Variants in RNF31 observed in about 807,000 individuals in gnomAD.
RNF31 encodes ring finger protein 31.
Under a neutral mutation model 133.6 loss-of-function variants are expected in RNF31, and 38 were observed. That is an observed-to-expected ratio of 0.28 (90% confidence interval 0.22 to 0.37). The LOEUF (loss-of-function observed/expected upper bound fraction) is 0.37, where lower values mean the gene tolerates loss of function less well. Among genes scored for constraint, RNF31 ranks in the 10% least tolerant of loss-of-function variants. RNF31 has a pLI of 1.00. For synonymous variants in RNF31, 582 were observed against 552.3 expected, an observed-to-expected ratio of 1.05 and a Z score of -0.75; for missense variants, 1,118 against 1,394.1, an observed-to-expected ratio of 0.80 and a Z score of 3.15.
intron 6 of RNF31, 54 bp downstream of exon 6, chr14:24,149,637 T>G: frequency 6.5e-7 from 1 of 1,541,966 alleles, no homozygotes. Context: ...TTAAGATCAC[T>G]TGATTATGGA....
In RNF31 at chr14:24,151,187, G is replaced by C; in HGVS notation, c.1545G>C (p.Ser515=). 2 of 1,614,136 alleles carry C rather than the reference G, an allele frequency of 1.2e-6. No homozygotes were observed. Among genetic ancestry groups the C allele is most frequent in the South Asian group, 1.1e-5 (1 of 91,078 alleles). The part of the protein sequence containing the change: ...PEEIFSALQY[S]GTEVPLQWLR... ...AGATCTTCTCGGCTCTGCAGTACTC[G>C]GGCACTGAGGTGCCTCTGCAGTGGT... The change falls in exon 9 of 21, where the codon TCG becomes TCC. Residue 515 remains serine, a synonymous_variant. Coordinates refer to ENST00000324103, the MANE Select transcript of RNF31 (RefSeq NM_017999.5). This position sits in a 1 kb window ranked among gnomAD's most constrained non-coding sequence, Gnocchi z 5.3.
At position 24,150,601 on chromosome 14, in the gene RNF31, G is replaced by A. The variant is rs372245499; in HGVS notation, c.1201G>A (p.Gly401Arg). 1 of 1,606,596 alleles carries A rather than the reference G, an allele frequency of 6.2e-7. No individual in the cohort carries two copies. Among genetic ancestry groups the A allele is most frequent in the East Asian group, 2.2e-5 (1 of 44,640 alleles). The change falls in exon 8 of 21, where the codon GGG (glycine) becomes AGG (arginine). Residue 401 changes from glycine to arginine, a missense_variant. Coordinates refer to ENST00000324103, the MANE Select transcript of RNF31 (RefSeq NM_017999.5). ...ATAATTCTCTCTGCCTTCCCAGCAGGGGGATGCTTTGCTGGCCTCTGCCCA... is the reference window on the plus strand; with the variant it reads ...ATAATTCTCTCTGCCTTCCCAGCAGAGGGATGCTTTGCTGGCCTCTGCCCA... ...AGICLQPLQQ[G>R]DALLASAQSQ...
In RNF31 at chr14:24,157,987, T is replaced by C; in HGVS notation, c.2817T>C (p.Ala939=). Residue 939 remains alanine, a synonymous_variant, in exon 17 of 21, where the codon GCT becomes GCC. Coordinates refer to ENST00000324103, the MANE Select transcript of RNF31 (RefSeq NM_017999.5). ...TCTTCTACCTGCGGGACTGGACTGC[T>C]CTCCGGCTTCAGAAGCTGCTACAGG... is the stretch of plus-strand genomic sequence containing the variant. ...DCLFYLRDWT[A]LRLQKLLQDN... 7 of 1,614,086 alleles carry C rather than the reference T, an allele frequency of 4.3e-6. No homozygotes were observed. Among genetic ancestry groups the C allele is most frequent in the Non-Finnish European group, 5.9e-6 (7 of 1,180,020 alleles).
In RNF31 at chr14:24,160,220, T is replaced by A. The variant is rs1307820506; in HGVS notation, c.2997-19T>A. 1.9e-6 allele frequency: 3 copies of A among 1,603,596 alleles called. No individual in the cohort carries two copies. The African/African-American group carries it at 4.0e-5, about 21-fold the overall frequency. On this transcript the variant is annotated intron_variant, in intron 19 of 20. Transcript: ENST00000324103. This position sits in a 1 kb window ranked among gnomAD's most constrained non-coding sequence, Gnocchi z 4.0. ...ATATTAGCCAACACAACAAATATTCTGCTCCCTTTTCTCCCCAGGGCACAC... is the reference window on the plus strand; with the variant it reads ...ATATTAGCCAACACAACAAATATTCAGCTCCCTTTTCTCCCCAGGGCACAC...
In RNF31 at chr14:24,151,638, C is replaced by T. The variant is rs545547900; in HGVS notation, c.1891C>T (p.Pro631Ser). ...RQRLWDSGPE[P>S]TPSWDGPDKQ... ...GCGCCTCTGGGACAGTGGCCCTGAG[C>T]CCACCCCTTCCTGGGATGGGCCAGA... is the stretch of plus-strand genomic sequence containing the variant. The change falls in exon 10 of 21, where the codon CCC (proline) becomes TCC (serine). Residue 631 changes from proline to serine, a missense_variant. By Grantham distance (74) the Pro-to-Ser change is moderately conservative (BLOSUM62 -1). Around this residue, in one of 3 missense-constraint regions of RNF31, gnomAD observed 747 missense variants for 827.9 expected, o/e 0.90. Transcript: ENST00000324103. This position sits in a 1 kb window ranked among gnomAD's most constrained non-coding sequence, Gnocchi z 5.3. 6.2e-7 allele frequency: 1 copy of T among 1,612,360 alleles called. No homozygotes were observed. Among genetic ancestry groups the T allele is most frequent in the South Asian group, 1.1e-5 (1 of 91,078 alleles).
intron 11 of RNF31, among the ~76,000 whole-genome samples, chr14:24,153,104 G>T (rs374904753): frequency 5.9e-5 from 9 of 151,504 alleles, no homozygotes; most frequent in Admixed American, 4.6e-4. Context: ...AAGAATTACT[G>T]TTCATTTTTG....
Position 24,151,878 on chromosome 14 carries a change from C to T in RNF31, c.2016C>T (p.Asn672=), listed in dbSNP as rs1269512949. 1 of 1,614,200 alleles carries T rather than the reference C, an allele frequency of 6.2e-7. No individual in the cohort carries two copies. Among genetic ancestry groups the T allele is most frequent in the East Asian group, 2.2e-5 (1 of 44,874 alleles). ...CACTGCTGCAGGAGACACCCAGGAA[C>T]TATGAGTTGGGGGATGTGGTAGAAG... The part of the protein sequence containing the change: ...ALSLLQETPR[N]YELGDVVEAV... The change falls in exon 11 of 21, where the codon AAC becomes AAT. Residue 672 remains asparagine (N), a synonymous_variant. Transcript: ENST00000324103. The surrounding 1 kb of genome is among the most constrained non-coding windows in gnomAD (Gnocchi z 5.3).
rs549763520 is a variant in RNF31 at position 24,150,194 on chromosome 14, C to A, written c.943C>A (p.Pro315Thr). ...TGCTGCCTGTGCCATGCTAAATGAGCCTTGGGCAGTGCTCTGTGTGGCCTG... is the reference window on the plus strand; with the variant it reads ...TGCTGCCTGTGCCATGCTAAATGAGACTTGGGCAGTGCTCTGTGTGGCCTG... ...HCAACAMLNE[P>T]WAVLCVACDR... is the part of the protein sequence containing the mutation. Residue 315 changes from proline (P) to threonine (T), a missense_variant, in exon 7 of 21, where the codon CCT becomes ACT. By Grantham distance (38) the Pro-to-Thr change is conservative. Coordinates refer to ENST00000324103, the MANE Select transcript of RNF31 (RefSeq NM_017999.5). 19 of 1,614,186 alleles carry A rather than the reference C, an allele frequency of 1.2e-5. No individual in the cohort carries two copies. The East Asian group carries it at 3.8e-4, about 32-fold the overall frequency.
Position 24,149,336 on chromosome 14 carries a change from C to T in RNF31, c.632-70C>T. 5.5e-6 allele frequency: 8 copies of T among 1,467,010 alleles called. No homozygotes were observed. The South Asian group carries it at 8.6e-5, about 16-fold the overall frequency. 90.9% of individuals were successfully genotyped at this position (1,467,010 alleles called of 1,614,324 possible). A position where few individuals can be genotyped will look rare whatever the true frequency, so the allele number is the denominator to read the frequency against. ...TTAAAAAGTAGTCTTGTGATTTGCC[C>T]CCATCCACAGCAGATTCAGATGTAG... On this transcript the variant is annotated intron_variant, in intron 5 of 20. Transcript: ENST00000324103.
rs1247599427 is a variant in RNF31 at position 24,155,036 on chromosome 14, G to A, written c.2131-121G>A. On this transcript the variant is annotated intron_variant, in intron 11 of 20. Transcript: ENST00000324103. This position sits in a 1 kb window ranked among gnomAD's most constrained non-coding sequence, Gnocchi z 4.9. The stretch of plus-strand genomic sequence containing the variant: ...CTGGCCCCTGCTGGCACTTGAGGTT[G>A]TTAACCCTGCCCAGTTGTTAATTAG... 1.5e-5 allele frequency: 14 copies of A among 951,672 alleles called. No individual in the cohort carries two copies. The highest frequency in any genetic ancestry group is 1.1e-4 in the South Asian group (7 of 61,584). The allele number at this position is 951,672 out of a possible 1,614,324, so 59.0% of individuals were successfully genotyped here. A position where few individuals can be genotyped will look rare whatever the true frequency, so the allele number is the denominator to read the frequency against.
chr14:24,159,469 T>G (rs1251329273), intron 18 of RNF31, among the ~76,000 whole-genome samples: 1 of 151,732 alleles, frequency 6.6e-6, no homozygotes, highest in Non-Finnish European at 1.5e-5. Flanking sequence ...GCCCAGGAGT[T>G]TGAGACCAGC....
Position 24,148,356 on chromosome 14 carries a change from T to G in RNF31, c.438T>G (p.Val146=). 2 of 1,614,218 alleles carry G rather than the reference T, an allele frequency of 1.2e-6. No individual in the cohort carries two copies. The highest frequency in any genetic ancestry group is 1.7e-6 in the Non-Finnish European group (2 of 1,180,018). ...EGQEEPDEHQ[V]ATVTLEVLLL... The stretch of plus-strand genomic sequence containing the variant: ...AGGAGGAGCCAGATGAGCACCAGGT[T>G]GCTACAGTCACACTGGAAGTACTGC... Residue 146 remains valine, a synonymous_variant, in exon 3 of 21, where the codon GTT becomes GTG. Transcript: ENST00000324103.
rs377552562 is a variant in RNF31 at position 24,150,054 on chromosome 14, A to G, written c.810-7A>G. On this transcript the variant is annotated splice_polypyrimidine_tract_variant and splice_region_variant and intron_variant, in intron 6 of 20. Transcript: ENST00000324103. ...TTCAGCAGGCCATGTCTGCTTTTCC[A>G]TTACAGTTTACCTGCCTCAGCCCAA... 5.2e-6 allele frequency: 8 copies of G among 1,552,090 alleles called. No homozygotes were observed. The highest frequency in any genetic ancestry group is 1.8e-5 in the Admixed American group (1 of 55,306).
Position 24,147,764 on chromosome 14 carries a change from G to A in RNF31, c.66G>A (p.Arg22=). The change falls in exon 1 of 21, where the codon AGG becomes AGA. Residue 22 remains arginine, a synonymous_variant. Transcript: ENST00000324103. The part of the protein sequence containing the change: ...VAREELASAL[R]RDSGQAFSLE... ...GCGAGGAGCTGGCGAGCGCCCTGAG[G>A]AGGGATTCCGGGCAGGCGTTTTCCC... is the stretch of plus-strand genomic sequence containing the variant. 1 of 1,574,986 alleles carries A rather than the reference G, an allele frequency of 6.3e-7. No homozygotes were observed.
intron 11 of RNF31, among the ~76,000 whole-genome samples, chr14:24,152,332 A>G (rs1316793140): frequency 6.6e-6 from 1 of 152,254 alleles, no homozygotes; most frequent in Non-Finnish European, 1.5e-5. Context: ...ATATATACAC[A>G]GATGGCTATT....
In RNF31 at chr14:24,150,635, T is replaced by G; in HGVS notation, c.1235T>G (p.Val412Gly). 6.2e-7 allele frequency: 1 copy of G among 1,614,208 alleles called. No homozygotes were observed. The highest frequency in any genetic ancestry group is 8.5e-7 in the Non-Finnish European group (1 of 1,180,006). Reference sequence around the variant, plus strand: ...TTGCTGGCCTCTGCCCAGAGTCAAGTCTGGTACTGTATTCACTGTACCTTC... The same window carrying G: ...TTGCTGGCCTCTGCCCAGAGTCAAGGCTGGTACTGTATTCACTGTACCTTC... ...DALLASAQSQ[V>G]WYCIHCTFCN... Residue 412 changes from valine (V) to glycine (G), a missense_variant, in exon 8 of 21, where the codon GTC (valine) becomes GGC (glycine). Physicochemically the swap from Val to Gly is moderately radical, Grantham distance 109 (BLOSUM62 -3). Transcript: ENST00000324103.
At position 24,160,102 on chromosome 14, in the gene RNF31, G is replaced by A. The variant is rs2038422274; in HGVS notation, c.2997-137G>A. On this transcript the variant is annotated intron_variant, in intron 19 of 20. Transcript: ENST00000324103. The surrounding 1 kb of genome is among the most constrained non-coding windows in gnomAD (Gnocchi z 4.0). ...GGAGGCTTTCTGGGCAAGGGCATGG[G>A]TAGATAGTAGCAGGCAGTGTGGGCA... 7.6e-7 allele frequency: 1 copy of A among 1,310,332 alleles called. No individual in the cohort carries two copies. The highest frequency in any genetic ancestry group is 1.1e-6 in the Non-Finnish European group (1 of 941,166). 81.2% of individuals were successfully genotyped at this position (1,310,332 alleles called of 1,614,324 possible).
In RNF31 at chr14:24,150,090, A is replaced by G. The variant is rs1222599610; in HGVS notation, c.839A>G (p.Gln280Arg). Residue 280 changes from glutamine (Q) to arginine (R), a missense_variant, in exon 7 of 21, where the codon CAG becomes CGG. By Grantham distance (43) the Gln-to-Arg change is conservative. This residue lies in a region of RNF31 where 747 missense variants were observed against 827.9 expected (regional missense o/e 0.90). Coordinates refer to ENST00000324103, the MANE Select transcript of RNF31 (RefSeq NM_017999.5). Reference protein sequence around the residue: ...SLPASAQPRPQSTSLLALGDS... With the variant: ...SLPASAQPRPRSTSLLALGDS... ...CCTGCCTCAGCCCAACCACGGCCCCAGTCGACCTCCCTGCTGGCCCTGGGA... is the reference window on the plus strand; with the variant it reads ...CCTGCCTCAGCCCAACCACGGCCCCGGTCGACCTCCCTGCTGGCCCTGGGA... 6.3e-7 allele frequency: 1 copy of G among 1,594,722 alleles called. No individual in the cohort carries two copies. The highest frequency in any genetic ancestry group is 1.1e-5 in the South Asian group (1 of 90,296).
chr14:24,160,120 T>C lies in RNF31; in HGVS notation c.2997-119T>C, dbSNP rs2038422649. The C allele has an allele frequency of 7.4e-7, 1 of 1,351,262 alleles. No individual in the cohort carries two copies. Among genetic ancestry groups the C allele is most frequent in the African/African-American group, 1.4e-5 (1 of 69,656 alleles). 83.7% of individuals were successfully genotyped at this position (1,351,262 alleles called of 1,614,324 possible). On this transcript the variant is annotated intron_variant, in intron 19 of 20. Transcript: ENST00000324103. This position sits in a 1 kb window ranked among gnomAD's most constrained non-coding sequence, Gnocchi z 4.0. ...GGCATGGGTAGATAGTAGCAGGCAG[T>C]GTGGGCACAGGTGGGTTGTTAATCT...
Sources: gnomAD v4.1 joint callset for allele counts (sites outside exome capture counted in the v4.1 genomes callset) on GRCh38, gnomAD v4.1.1 for gene constraint, gnomAD v4.1.1 regional missense constraint, Gnocchi (gnomAD v3.1) non-coding constraint, MANE v1.5 for transcripts, NCBI Gene and HGNC (gene_info 2026-07-23, HGNC 2026-07-21) for gene names.